The following DQX1 variants were observed in gnomAD, a reference collection of about 807,000 sequenced individuals.
The protein encoded by DQX1 is DEAQ-box RNA dependent ATPase 1.
A neutral mutation model predicts 81.3 loss-of-function variants in DQX1; 66 were observed. The ratio of observed to expected loss-of-function variants is 0.81; its 90% CI spans 0.67 to 1.00. The LOEUF is 1.00. Among genes scored for constraint, DQX1 ranks in the 50% least tolerant of loss-of-function variants. The pLI, the probability that DQX1 is intolerant of heterozygous loss-of-function variation, is 0.00. For missense variants in DQX1, 798 were observed against 867.9 expected, an observed-to-expected ratio of 0.92 and a Z score of 1.01; for synonymous variants, 290 against 350.0, an observed-to-expected ratio of 0.83 and a Z score of 1.91.
chr2:74,519,521 C>T (rs374700854), intron 10 of DQX1, 35 bp downstream of exon 10: 78 of 1,601,058 alleles, frequency 4.9e-5, no homozygotes, highest in Middle Eastern at 3.3e-4. Flanking sequence ...CCTTTTGCTC[C>T]TTTGATCACC....
At chr2:74,524,935 G>A (rs1319274197) in intron 3 of DQX1, 74 bp downstream of exon 3, 1 of 1,510,174 alleles carries the variant, frequency 6.6e-7, no homozygotes, top group Non-Finnish European at 9.0e-7. Flanking sequence ...GGTATGGTGA[G>A]ATGCCAGAGG....
In DQX1 at chr2:74,525,770, G is replaced by A. The variant is rs1335488737; in HGVS notation, c.-19-22C>T. Reference sequence around the variant, plus strand: ...GGACCTGCAGAAGGCAGAGCAGCCAGTAAGGTCATATTTGGTGACCGACAC... The same window carrying A: ...GGACCTGCAGAAGGCAGAGCAGCCAATAAGGTCATATTTGGTGACCGACAC... On this transcript the variant is annotated intron_variant, in intron 1 of 11. Transcript: ENST00000404568. The surrounding 1 kb of genome is among the most constrained non-coding windows in gnomAD (Gnocchi z 4.1). The A allele has an allele frequency of 6.6e-7, 1 of 1,518,596 alleles. No homozygotes were observed. Among genetic ancestry groups the A allele is most frequent in the East Asian group, 2.5e-5 (1 of 40,610 alleles). 94.1% of individuals were successfully genotyped at this position (1,518,596 alleles called of 1,614,324 possible).
chr2:74,520,579 T>C (rs1297245600), intron 8 of DQX1, among the ~76,000 whole-genome samples: 1 of 152,048 alleles, frequency 6.6e-6, no homozygotes, highest in African/African-American at 2.4e-5. Flanking sequence ...GAGGTAGGTA[T>C]AGGTAAGGTC....
Position 74,519,748 on chromosome 2 carries a change from T to C in DQX1, c.1616-2A>G, listed in dbSNP as rs775511545. ...GGCACCAAGCCTCATCTGCTCCACCTAGGAGAGGAAAGGGACCAGCTAAAC... is the reference window on the plus strand; with the variant it reads ...GGCACCAAGCCTCATCTGCTCCACCCAGGAGAGGAAAGGGACCAGCTAAAC... On this transcript the variant is annotated splice_acceptor_variant, in intron 9 of 11. Transcript: ENST00000404568. LOFTEE classifies it high-confidence loss of function. The C allele has an allele frequency of 1.2e-6, 2 of 1,613,880 alleles. No homozygotes were observed. Among genetic ancestry groups the C allele is most frequent in the African/African-American group, 2.7e-5 (2 of 74,896 alleles).
At chr2:74,522,201 A>T (rs1044123196) in intron 8 of DQX1, among the ~76,000 whole-genome samples, 5 of 152,202 alleles carry the variant, frequency 3.3e-5, no homozygotes, top group African/African-American at 1.2e-4. Context: ...GGTACCTGGA[A>T]GGTCACTGGT....
At chr2:74,523,849 G>C (rs937863171) in intron 4 of DQX1, 74 bp downstream of exon 4, 1 of 1,458,288 alleles carries the variant, frequency 6.9e-7, no homozygotes, top group Non-Finnish European at 9.1e-7. Flanking sequence ...CTCAGGACTG[G>C]AAGATGATGA....
rs755644140 is a variant in DQX1, at chr2:74,519,716, C to G, written c.1646G>C (p.Arg549Pro). 6.2e-7 allele frequency: 1 copy of G among 1,614,178 alleles called. No individual in the cohort carries two copies. The highest frequency in any genetic ancestry group is 8.5e-7 in the Non-Finnish European group (1 of 1,180,028). ...SGADEAWCQA[R>P]GLNWAALCQA... ...GCACAATGCTGCCCAATTCAGACCT[C>G]GAGCCTGGCACCAAGCCTCATCTGC... is the stretch of plus-strand genomic sequence containing the variant. The change falls in exon 10 of 12, where the codon CGA (arginine) becomes CCA (proline). Residue 549 changes from arginine to proline, a missense_variant. Transcript: ENST00000404568.
chr2:74,523,240 A>C lies in DQX1; in HGVS notation c.1045-22T>G, dbSNP rs575699401. On this transcript the variant is annotated intron_variant, in intron 5 of 11. Coordinates refer to ENST00000404568, the MANE Select transcript of DQX1 (RefSeq NM_133637.3). ...AAACCTGTTGCCCGTCCCCCAACCA[A>C]GGCCAAGACAGATCAGAGTGGGCCA... The C allele has an allele frequency of 3.7e-6, 6 of 1,614,144 alleles. No individual in the cohort carries two copies. In the East Asian group the frequency reaches 1.1e-4, roughly 30 times the overall value.
Position 74,525,414 on chromosome 2 carries a change from G to T in DQX1, c.237+79C>A, listed in dbSNP as rs1675148142. On this transcript the variant is annotated intron_variant, in intron 2 of 11. Coordinates refer to ENST00000404568, the MANE Select transcript of DQX1 (RefSeq NM_133637.3). The surrounding 1 kb of genome is among the most constrained non-coding windows in gnomAD (Gnocchi z 4.1). ...CCAGTCCCCCCTTGCCCAGGGAAAG[G>T]CCACTTTCCCTTTGTCCTCCCTTTG... is the stretch of plus-strand genomic sequence containing the variant. 1.4e-6 allele frequency: 2 copies of T among 1,434,210 alleles called. No homozygotes were observed. Among genetic ancestry groups the T allele is most frequent in the East Asian group, 2.5e-5 (1 of 40,124 alleles). The allele number at this position is 1,434,210 out of a possible 1,614,324, so 88.8% of individuals were successfully genotyped here.
At position 74,525,730 on chromosome 2, in the gene DQX1, G is replaced by T; in HGVS notation, c.-1C>A. On this transcript the variant is annotated 5_prime_UTR_variant, in exon 2 of 12. Coordinates refer to ENST00000404568, the MANE Select transcript of DQX1 (RefSeq NM_133637.3). The surrounding 1 kb of genome is among the most constrained non-coding windows in gnomAD (Gnocchi z 4.1). ...CTAGCCTGAGAGGCTGAGAGGTCAT[G>T]GTGGCTCTCTGGCAGGACCTGCAGA... 6.4e-7 allele frequency: 1 copy of T among 1,550,736 alleles called. No homozygotes were observed. The highest frequency in any genetic ancestry group is 8.7e-7 in the Non-Finnish European group (1 of 1,146,362).
rs765287062 is a variant in DQX1, at chr2:74,524,155, G to A, written c.584C>T (p.Pro195Leu). 6.2e-6 allele frequency: 10 copies of A among 1,614,042 alleles called. No individual in the cohort carries two copies. Among genetic ancestry groups the A allele is most frequent in the African/African-American group, 1.3e-5 (1 of 74,902 alleles). The change falls in exon 4 of 12, where the codon CCG becomes CTG. Residue 195 changes from proline to leucine, a missense_variant. Transcript: ENST00000404568. ...LLQDARLEKL[P>L]GDLRVVVVTD... is the part of the protein sequence containing the mutation. ...AACCACAACCACTCTGAGGTCCCCC[G>A]GAAGTTTTTCCAGCCTGGCATCTTG...
chr2:74,518,656 CTCT>C (rs2104332361), intron 11 of DQX1, 54 bp from the exon 12 acceptor site: 1 of 1,553,706 alleles, frequency 6.4e-7, no homozygotes, highest in Non-Finnish European at 8.8e-7. Context: ...CTCTGTCTCT[CTCT>C]TTTTAGAGAC....
rs940722192 is a variant in DQX1 at position 74,525,918 on chromosome 2, G to C, written c.-19-170C>G. 3.3e-5 allele frequency among the ~76,000 whole-genome samples: 5 copies of C among 152,224 alleles called. No homozygotes were observed. Among genetic ancestry groups the C allele is most frequent in the Non-Finnish European group, 5.9e-5 (4 of 68,042 alleles). ...AGGTATTTTGATAAAGGGCTACTGA[G>C]AGTTAGTCGACAGTCCCTATAGTCA... On this transcript the variant is annotated intron_variant, in intron 1 of 11. Coordinates refer to ENST00000404568, the MANE Select transcript of DQX1 (RefSeq NM_133637.3). This position sits in a 1 kb window ranked among gnomAD's most constrained non-coding sequence, Gnocchi z 4.1.
intron 3 of DQX1, 46 bp from the exon 4 acceptor site, chr2:74,524,353 C>T: frequency 1.3e-6 from 2 of 1,561,934 alleles, no homozygotes. Flanking sequence ...GGACACTGAC[C>T]AGCCCCACAA....
chr2:74,518,976 C>G, intron 11 of DQX1, 64 bp downstream of exon 11: 1 of 1,436,080 alleles, frequency 7.0e-7, no homozygotes, highest in Non-Finnish European at 9.3e-7. Context: ...CTCTAACTCC[C>G]CAGCCATAAT....
chr2:74,525,295 T>C lies in DQX1; in HGVS notation c.238-93A>G. 7.2e-7 allele frequency: 1 copy of C among 1,380,228 alleles called. No homozygotes were observed. The highest frequency in any genetic ancestry group is 9.7e-7 in the Non-Finnish European group (1 of 1,032,828). 85.5% of individuals were successfully genotyped at this position (1,380,228 alleles called of 1,614,324 possible). A position where few individuals can be genotyped will look rare whatever the true frequency, so the allele number is the denominator to read the frequency against. ...AACTATGGCCACTTTAATCTTTCCTTATTTGGGGAGTCCCCTGGTCTTTCA... is the reference window on the plus strand; with the variant it reads ...AACTATGGCCACTTTAATCTTTCCTCATTTGGGGAGTCCCCTGGTCTTTCA... On this transcript the variant is annotated intron_variant, in intron 2 of 11. Coordinates refer to ENST00000404568, the MANE Select transcript of DQX1 (RefSeq NM_133637.3). This position sits in a 1 kb window ranked among gnomAD's most constrained non-coding sequence, Gnocchi z 4.1.
In DQX1 at chr2:74,523,022, G is replaced by GA. The variant is rs1558602297; in HGVS notation, c.1145-9dup. ...ACAGGCAGAGGCAGGATCCTGAGGG[G>GA]AAAAAGACCTGGGAAAGAAGACCAC... On this transcript the variant is annotated splice_polypyrimidine_tract_variant and intron_variant, in intron 6 of 11. Coordinates refer to ENST00000404568, the MANE Select transcript of DQX1 (RefSeq NM_133637.3). 1.2e-6 allele frequency: 2 copies of GA among 1,613,970 alleles called. No individual in the cohort carries two copies. The highest frequency in any genetic ancestry group is 1.1e-5 in the South Asian group (1 of 91,076).
rs190151140 is a variant in DQX1 at position 74,522,912 on chromosome 2, A to G, written c.1247T>C (p.Leu416Pro). The change falls in exon 7 of 12, where the codon CTA becomes CCA. Residue 416 changes from leucine (L) to proline (P), a missense_variant. Leu to Pro is a moderately conservative substitution (Grantham distance 98). Coordinates refer to ENST00000404568, the MANE Select transcript of DQX1 (RefSeq NM_133637.3). ...CTCTGCAATCTGTCTCCTTTTTAGT[A>G]GTAACACCAGGGAGCTCAGATTCTC... is the stretch of plus-strand genomic sequence containing the variant. ...CEENLSSLVL[L>P]LKRRQIAEPG... 224 of 1,614,160 alleles carry G rather than the reference A, an allele frequency of 1.4e-4. No individual in the cohort carries two copies. In the East Asian group the frequency reaches 4.7e-3, roughly 34 times the overall value.
chr2:74,523,310 A>T lies in DQX1; in HGVS notation c.1044T>A (p.Ser348Arg), dbSNP rs1269424607. 1.2e-6 allele frequency: 2 copies of T among 1,613,978 alleles called. No homozygotes were observed. Among genetic ancestry groups the T allele is most frequent in the South Asian group, 1.1e-5 (1 of 91,066 alleles). Residue 348 changes from serine (S) to arginine (R), a missense_variant and splice_region_variant, in exon 5 of 12, where the codon AGT (serine) becomes AGA (arginine). Transcript: ENST00000404568. The part of the protein sequence containing the change: ...HVIDSGLELR[S>R]VYNPRIRAEF... ...ACCGCTATCTCTCTCTCTCACTCAC[A>T]CTTCGGAGCTCCAGTCCTGAGTCGA... is the stretch of plus-strand genomic sequence containing the variant.
Sources: allele counts gnomAD v4.1 joint callset (sites outside exome capture counted in the v4.1 genomes callset), GRCh38; gene constraint gnomAD v4.1.1; non-coding constraint Gnocchi (gnomAD v3.1); transcripts MANE v1.5; gene names NCBI Gene and HGNC (gene_info 2026-07-23, HGNC 2026-07-21).